Variants in RETREG1 observed in about 807,000 individuals in gnomAD.
RETREG1 encodes family with sequence similarity 134 member B.
RETREG1 carries 44 observed loss-of-function variants against 54.8 expected under a neutral mutation model. That is an observed-to-expected ratio of 0.80 (90% confidence interval 0.63 to 1.03). The LOEUF (loss-of-function observed/expected upper bound fraction) is 1.03. Among genes scored for constraint, RETREG1 ranks in the 50% least tolerant of loss-of-function variants. The probability of loss-of-function intolerance (pLI) is 0.00; values close to 1 mark genes in which losing one functional copy is unlikely to be tolerated. For synonymous variants in RETREG1, 217 were observed against 238.5 expected, an observed-to-expected ratio of 0.91 and a Z score of 0.83; for missense variants, 554 against 605.1, an observed-to-expected ratio of 0.92 and a Z score of 0.89.
intron 2 of RETREG1, among the ~76,000 whole-genome samples, chr5:16,571,009 A>G (rs1412008744): frequency 1.3e-5 from 2 of 151,662 alleles, no homozygotes; most frequent in African/African-American, 4.9e-5. Flanking sequence ...AAACCTGGAA[A>G]CACACGAATA....
intron 1 of RETREG1, among the ~76,000 whole-genome samples, chr5:16,605,745 G>A (rs1249045359): frequency 2.0e-5 from 3 of 152,162 alleles, no homozygotes; most frequent in Non-Finnish European, 4.4e-5. Flanking sequence ...TCTGGTGAGG[G>A]CTCACTCTCT....
chr5:16,522,002 C>T (rs1289955959), intron 3 of RETREG1, among the ~76,000 whole-genome samples: 1 of 152,178 alleles, frequency 6.6e-6, no homozygotes, highest in African/African-American at 2.4e-5. Flanking sequence ...GCCTTGCGGT[C>T]TTGGCTGCAT....
chr5:16,615,399 C>CAAAAAAAAAAAAAA (rs35626131), intron 1 of RETREG1, among the ~76,000 whole-genome samples: 1 of 92,846 alleles, frequency 1.1e-5, no homozygotes. Context: ...GACTCCATCT[C>CAAAAAAAAAAAAAA]AAAAAAAAAA....
Position 16,616,945 on chromosome 5 carries a change from G to GTGCTCCGGAGGCGCCGGGCTCGCCA in RETREG1, c.2_26dup (p.Ala10GlyfsTer139), listed in dbSNP as rs1743538273. On this transcript the variant is annotated frameshift_variant, in exon 1 of 9. Coordinates refer to ENST00000306320, the MANE Select transcript of RETREG1 (RefSeq NM_001034850.3). LOFTEE classifies it high-confidence loss of function. Reference sequence around the variant, plus strand: ...CAGGAGCCGGGCATCCCTCCTCGGCGTGCTCCGGAGGCGCCGGGCTCGCCA... The same window carrying GTGCTCCGGAGGCGCCGGGCTCGCCA: ...CAGGAGCCGGGCATCCCTCCTCGGCGTGCTCCGGAGGCGCCGGGCTCGCCATGCTCCGGAGGCGCCGGGCTCGCCA... 6.9e-7 allele frequency: 1 copy of GTGCTCCGGAGGCGCCGGGCTCGCCA among 1,455,828 alleles called. No homozygotes were observed. Among genetic ancestry groups the GTGCTCCGGAGGCGCCGGGCTCGCCA allele is most frequent in the Non-Finnish European group, 9.0e-7 (1 of 1,109,492 alleles). The allele number at this position is 1,455,828 out of a possible 1,614,324, so 90.2% of individuals were successfully genotyped here.
chr5:16,589,386 GT>G (rs1240595449), intron 1 of RETREG1, among the ~76,000 whole-genome samples: 3 of 145,834 alleles, frequency 2.1e-5, no homozygotes, highest in Admixed American at 1.4e-4. Context: ...TTGTTTATTT[GT>G]TTGTCTGTTT....
At chr5:16,525,278 GC>G (rs1234633470) in intron 3 of RETREG1, among the ~76,000 whole-genome samples, 21 of 85,542 alleles carry the variant, frequency 2.5e-4, no homozygotes, top group East Asian at 1.9e-3. Context: ...GTGGATGTGC[GC>G]GGGGGGACAC....
At chr5:16,614,202 A>G (rs1486675687) in intron 1 of RETREG1, among the ~76,000 whole-genome samples, 1 of 152,002 alleles carries the variant, frequency 6.6e-6, no homozygotes, top group African/African-American at 2.4e-5. Flanking sequence ...CAATTATTTT[A>G]TGCAAAAACA....
chr5:16,538,091 C>T, intron 3 of RETREG1, among the ~76,000 whole-genome samples: 1 of 152,184 alleles, frequency 6.6e-6, no homozygotes, highest in East Asian at 1.9e-4. Flanking sequence ...CCCAACCAGA[C>T]CAAGACTTCC....
intron 1 of RETREG1, among the ~76,000 whole-genome samples, chr5:16,576,593 C>A (rs1353214713): frequency 6.6e-5 from 10 of 152,178 alleles, no homozygotes; most frequent in Admixed American, 6.5e-4. Flanking sequence ...TCAAGCAATT[C>A]CCCTGCCTCA....
intron 3 of RETREG1, among the ~76,000 whole-genome samples, chr5:16,503,421 C>T (rs1739801184): frequency 6.6e-6 from 1 of 152,046 alleles, no homozygotes; most frequent in Admixed American, 6.6e-5. Context: ...GTAATCCCAA[C>T]ACTTTGGGAG....
At chr5:16,554,581 A>G (rs1257020387) in intron 3 of RETREG1, among the ~76,000 whole-genome samples, 11 of 151,314 alleles carry the variant, frequency 7.3e-5, no homozygotes, top group South Asian at 6.3e-4. Context: ...AAGAAAATAA[A>G]AAACACTTAT....
At chr5:16,607,721 C>G (rs1235926684) in intron 1 of RETREG1, among the ~76,000 whole-genome samples, 1 of 151,906 alleles carries the variant, frequency 6.6e-6, no homozygotes, top group African/African-American at 2.4e-5. Flanking sequence ...ATGGGTATTG[C>G]TTATTTCATG....
chr5:16,495,856 G>T (rs1739433559), intron 3 of RETREG1, among the ~76,000 whole-genome samples: 1 of 152,020 alleles, frequency 6.6e-6, no homozygotes, highest in Admixed American at 6.5e-5. Flanking sequence ...TAAGTTGAGT[G>T]CTGACTGGGG....
chr5:16,572,008 A>G lies in RETREG1; in HGVS notation c.415T>C (p.Ser139Pro), dbSNP rs752591398. 6.2e-7 allele frequency: 1 copy of G among 1,611,568 alleles called. No homozygotes were observed. The highest frequency in any genetic ancestry group is 1.1e-5 in the South Asian group (1 of 91,040). ...IMQIIKDMVL[S>P]RTRGAQLWRS... is the part of the protein sequence containing the mutation. ...TGAGTATTCTTACCTCTTGTTCTAG[A>G]CAAAACCATATCCTTTATTATTTGC... is the stretch of plus-strand genomic sequence containing the variant. The change falls in exon 2 of 9, where the codon TCT becomes CCT. Residue 139 changes from serine to proline, a missense_variant. Around this residue, in one of 4 missense-constraint regions of RETREG1, gnomAD observed 347 missense variants for 412.3 expected, o/e 0.84. Transcript: ENST00000306320.
intron 3 of RETREG1, among the ~76,000 whole-genome samples, chr5:16,553,853 C>A (rs563459551): frequency 1.3e-5 from 2 of 151,926 alleles, no homozygotes; most frequent in South Asian, 2.1e-4. Context: ...ACAGGTAGGC[C>A]GACAGACAGA....
Position 16,489,190 on chromosome 5 carries a change from T to C in RETREG1, c.459-5718A>G, listed in dbSNP as rs1294018888. 2.0e-5 allele frequency among the ~76,000 whole-genome samples: 3 copies of C among 151,396 alleles called. No individual in the cohort carries two copies. In the South Asian group the frequency reaches 6.3e-4, roughly 32 times the overall value. ...GTAGGATACAAAGTGGTGAGTTTTG[T>C]TATGAACAAAATAACTCAGTCAAAC... On this transcript the variant is annotated intron_variant, in intron 3 of 8. Coordinates refer to ENST00000306320, the MANE Select transcript of RETREG1 (RefSeq NM_001034850.3).
intron 1 of RETREG1, among the ~76,000 whole-genome samples, chr5:16,595,665 A>C (rs750378628): frequency 5.9e-5 from 9 of 152,188 alleles, no homozygotes; most frequent in Non-Finnish European, 1.0e-4. Context: ...AGTAGATGTG[A>C]TCAAATACAA....
intron 3 of RETREG1, among the ~76,000 whole-genome samples, chr5:16,530,683 G>A (rs1406249283): frequency 6.6e-6 from 1 of 152,110 alleles, no homozygotes; most frequent in Non-Finnish European, 1.5e-5. Context: ...GACCAGCCTC[G>A]CCAACGTGGC....
chr5:16,490,553 C>G (rs571885014), intron 3 of RETREG1, among the ~76,000 whole-genome samples: 1 of 152,272 alleles, frequency 6.6e-6, no homozygotes, highest in African/African-American at 2.4e-5. Context: ...TGAACAGCAT[C>G]TTATAAACTT....
Sources: gnomAD v4.1 joint callset for allele counts (sites outside exome capture counted in the v4.1 genomes callset) on GRCh38, gnomAD v4.1.1 for gene constraint, gnomAD v4.1.1 regional missense constraint, MANE v1.5 for transcripts, NCBI Gene and HGNC (gene_info 2026-07-23, HGNC 2026-07-21) for gene names.